ACBD6: variants seen among roughly 807,000 people sequenced by gnomAD.
The protein encoded by ACBD6 is acyl-CoA binding domain containing 6.
A neutral mutation model predicts 37.2 loss-of-function variants in ACBD6; 28 were observed. That is an observed-to-expected ratio of 0.75 (90% CI 0.56 to 1.03). The LOEUF (loss-of-function observed/expected upper bound fraction) is 1.03, where lower values mean the gene tolerates loss of function less well. Among genes scored for constraint, ACBD6 ranks in the 50% least tolerant of loss-of-function variants. ACBD6 has a pLI of 0.00. For synonymous variants in ACBD6, 113 were observed against 126.8 expected (o/e 0.89, Z 0.73); for missense variants, 340 against 337.4 (o/e 1.01, Z -0.06).
intron 6 of ACBD6, among the ~76,000 whole-genome samples, chr1:180,321,008 CG>C (rs1419428278): frequency 3.3e-5 from 5 of 152,066 alleles, no homozygotes; most frequent in Admixed American, 2.0e-4. Flanking sequence ...CTTCTGCATA[CG>C]GGTATCTAGT....
chr1:180,445,584 C>T (rs995857860), intron 3 of ACBD6, among the ~76,000 whole-genome samples: 8 of 152,070 alleles, frequency 5.3e-5, no homozygotes, highest in African/African-American at 1.9e-4. Flanking sequence ...ATATAATACA[C>T]TAAGACTCAT....
intron 7 of ACBD6, among the ~76,000 whole-genome samples, chr1:180,310,282 C>T (rs898921589): frequency 6.6e-6 from 1 of 152,090 alleles, no homozygotes. Context: ...ATTGCTCAAG[C>T]ACAGGAGTTC....
intron 7 of ACBD6, among the ~76,000 whole-genome samples, chr1:180,290,436 C>G (rs1037063850): frequency 3.3e-5 from 5 of 152,190 alleles, no homozygotes; most frequent in Non-Finnish European, 7.3e-5. Context: ...CTTGGCCTCC[C>G]AAAGTGCTGG....
At chr1:180,430,289 A>G in intron 3 of ACBD6, 27 bp from the exon 4 acceptor site, 2 of 1,570,878 alleles carry the variant, frequency 1.3e-6, no homozygotes, top group Non-Finnish European at 1.8e-6. Context: ...AAAAAGTGAA[A>G]AAAAGACAAA....
At chr1:180,437,605 A>C (rs1018746421) in intron 3 of ACBD6, among the ~76,000 whole-genome samples, 3 of 152,140 alleles carry the variant, frequency 2.0e-5, no homozygotes, top group Non-Finnish European at 4.4e-5. Context: ...TTTTATATGT[A>C]AAAAAATCCT....
chr1:180,369,547 C>G (rs1053031105), intron 6 of ACBD6, among the ~76,000 whole-genome samples: 1 of 152,132 alleles, frequency 6.6e-6, no homozygotes, highest in Non-Finnish European at 1.5e-5. Flanking sequence ...TCTTCCATCT[C>G]TAAACTAATA....
chr1:180,295,271 ATTTT>A (rs35514630), intron 7 of ACBD6, among the ~76,000 whole-genome samples: 4 of 131,926 alleles, frequency 3.0e-5, no homozygotes, highest in Non-Finnish European at 5.1e-5. Context: ...GCATCCTGCA[ATTTT>A]TTTTTTTTTT....
chr1:180,469,403 T>C (rs899041306), intron 3 of ACBD6, among the ~76,000 whole-genome samples: 3 of 152,148 alleles, frequency 2.0e-5, no homozygotes, highest in Admixed American at 6.5e-5. Flanking sequence ...GTAAAGAAAA[T>C]AAAATTCCAC....
chr1:180,502,096 A>C lies in ACBD6; in HGVS notation c.171T>G (p.Ile57Met). ...EKAAAHLQGLIQVASREQLLY... is the reference protein window; with the variant it reads ...EKAAAHLQGLMQVASREQLLY... Reference sequence around the variant, plus strand: ...AGAGCTGCTCCCTGCTGGCCACCTGAATCAGGCCTTGCAGGTGCGCGGCAG... The same window carrying C: ...AGAGCTGCTCCCTGCTGGCCACCTGCATCAGGCCTTGCAGGTGCGCGGCAG... Residue 57 changes from isoleucine to methionine, a missense_variant, in exon 1 of 8, where the codon ATT (isoleucine) becomes ATG (methionine). Coordinates refer to ENST00000367595, the MANE Select transcript of ACBD6 (RefSeq NM_032360.4). 6.2e-7 allele frequency: 1 copy of C among 1,613,766 alleles called. No homozygotes were observed. Among genetic ancestry groups the C allele is most frequent in the Non-Finnish European group, 8.5e-7 (1 of 1,179,894 alleles).
intron 5 of ACBD6, among the ~76,000 whole-genome samples, chr1:180,412,060 C>A (rs1451943053): frequency 2.7e-5 from 4 of 149,842 alleles, no homozygotes; most frequent in Non-Finnish European, 4.4e-5. Context: ...TGGTCTGGAA[C>A]TGAATCTGCA....
chr1:180,463,513 T>C (rs921413685), intron 3 of ACBD6, among the ~76,000 whole-genome samples: 3 of 151,840 alleles, frequency 2.0e-5, no homozygotes, highest in Non-Finnish European at 4.4e-5. Context: ...AGGAAGAAAC[T>C]GAATCCCTAA....
intron 6 of ACBD6, among the ~76,000 whole-genome samples, chr1:180,389,983 C>T (rs1225296485): frequency 6.6e-6 from 1 of 151,860 alleles, no homozygotes; most frequent in African/African-American, 2.4e-5. Flanking sequence ...GTTTCTTTTG[C>T]TGTGCAGAAG....
chr1:180,472,056 G>C (rs1483205113), intron 3 of ACBD6, among the ~76,000 whole-genome samples: 1 of 152,132 alleles, frequency 6.6e-6, no homozygotes, highest in East Asian at 1.9e-4. Flanking sequence ...TTCACTTAAT[G>C]ATATTATTTC....
intron 6 of ACBD6, among the ~76,000 whole-genome samples, chr1:180,382,360 C>A (rs932865841): frequency 6.6e-6 from 1 of 151,554 alleles, no homozygotes; most frequent in African/African-American, 2.4e-5. Context: ...AAATCAGAAA[C>A]GAAAAGGAGA....
intron 3 of ACBD6, among the ~76,000 whole-genome samples, chr1:180,471,158 G>T (rs2102057107): frequency 6.6e-6 from 1 of 152,200 alleles, no homozygotes; most frequent in Non-Finnish European, 1.5e-5. Context: ...CCAGCACTTT[G>T]GGAGGCTGAG....
At chr1:180,397,739 G>A (rs1654316632) in intron 5 of ACBD6, 134 bp from the exon 6 acceptor site, 8 of 805,872 alleles carry the variant, frequency 9.9e-6, no homozygotes, top group Admixed American at 8.6e-5. Flanking sequence ...TATAAAAAAT[G>A]CACTATGGAA....
chr1:180,350,212 A>T (rs146179552), intron 6 of ACBD6, among the ~76,000 whole-genome samples: 2 of 152,054 alleles, frequency 1.3e-5, no homozygotes, highest in East Asian at 3.9e-4. Flanking sequence ...ACTTGTATTA[A>T]TAGAAAAGAT....
intron 5 of ACBD6, among the ~76,000 whole-genome samples, chr1:180,406,039 C>A (rs917957851): frequency 1.3e-5 from 2 of 152,052 alleles, no homozygotes; most frequent in African/African-American, 2.4e-5. Flanking sequence ...ACATATGACA[C>A]CATGGTGTTA....
intron 3 of ACBD6, among the ~76,000 whole-genome samples, chr1:180,464,827 T>A (rs917829441): frequency 2.6e-5 from 4 of 152,010 alleles, no homozygotes; most frequent in African/African-American, 9.7e-5. Flanking sequence ...GGTACTTGTA[T>A]AAAAACAGGC....
Sources: gnomAD v4.1 joint callset for allele counts (sites outside exome capture counted in the v4.1 genomes callset) on GRCh38, gnomAD v4.1.1 for gene constraint, MANE v1.5 for transcripts, NCBI Gene and HGNC (gene_info 2026-07-23, HGNC 2026-07-21) for gene names.